The following THNSL1 variants were observed in gnomAD, a reference collection of about 807,000 sequenced individuals.
THNSL1 encodes the protein threonine synthase-like 1.
THNSL1 carries 48 observed loss-of-function variants against 50.4 expected under a neutral mutation model. That is an observed-to-expected ratio of 0.95 (90% CI 0.76 to 1.21). The LOEUF (loss-of-function observed/expected upper bound fraction) is 1.21. Among genes scored for constraint, THNSL1 ranks in the 50% most tolerant of loss-of-function variants. THNSL1 has a pLI of 0.00. For missense variants in THNSL1, 896 were observed against 871.7 expected (o/e 1.03, Z -0.35); for synonymous variants, 309 against 306.1 (o/e 1.01, Z -0.10).
chr10:25,002,262 A>G, the THNSL1 span, among the ~76,000 whole-genome samples: 201 of 152,292 alleles, frequency 1.3e-3, no homozygotes, highest in African/African-American at 4.2e-3. Context: ...TGGTTGTTTC[A>G]TTACATACAT....
In THNSL1 at chr10:25,024,774, A is replaced by C. The variant is rs775833140; in HGVS notation, c.1551A>C (p.Ala517=). 1 of 1,614,204 alleles carries C rather than the reference A, an allele frequency of 6.2e-7. No individual in the cohort carries two copies. ...GAAACTTTGGTAACATTTTAGCAGC[A>C]GTGTATGCCAAAATGATGGGAATCC... ...PTGNFGNILA[A]VYAKMMGIPI... Residue 517 remains alanine, a synonymous_variant, in exon 3 of 3, where the codon GCA becomes GCC. Coordinates refer to ENST00000376356, the MANE Select transcript of THNSL1 (RefSeq NM_024838.5).
the THNSL1 span, among the ~76,000 whole-genome samples, chr10:24,973,090 C>A: frequency 6.6e-6 from 1 of 152,154 alleles, no homozygotes; most frequent in Non-Finnish European, 1.5e-5. Flanking sequence ...TAGCATAGAT[C>A]TTAGCAACCT....
chr10:24,959,882 C>T, the THNSL1 span, among the ~76,000 whole-genome samples: 36 of 152,190 alleles, frequency 2.4e-4, no homozygotes, highest in African/African-American at 7.5e-4. Flanking sequence ...ATTTTCTCTT[C>T]GTAAAAATAT....
the THNSL1 span, among the ~76,000 whole-genome samples, chr10:24,996,044 A>G: frequency 1.3e-5 from 2 of 152,206 alleles, no homozygotes; most frequent in Non-Finnish European, 2.9e-5. Context: ...GTAGACATTA[A>G]ATATGCACAG....
the THNSL1 span, among the ~76,000 whole-genome samples, chr10:24,973,126 T>C: frequency 6.6e-6 from 1 of 152,166 alleles, no homozygotes; most frequent in South Asian, 2.1e-4. Context: ...TTTTCTTTCC[T>C]TATTAAGTCC....
At chr10:24,971,298 T>TACACA in the THNSL1 span, among the ~76,000 whole-genome samples, 1 of 145,850 alleles carries the variant, frequency 6.9e-6, no homozygotes, top group African/African-American at 2.8e-5. Context: ...AGAGACAGGT[T>TACACA]GCCACTATGT....
chr10:24,999,567 T>C, the THNSL1 span: 2 of 1,580,122 alleles, frequency 1.3e-6, no homozygotes, highest in Non-Finnish European at 1.7e-6. Context: ...ATTTTAAAAG[T>C]TGTAGCATTT....
At chr10:24,963,559 G>T in the THNSL1 span, among the ~76,000 whole-genome samples, 2 of 152,136 alleles carry the variant, frequency 1.3e-5, no homozygotes, top group Non-Finnish European at 1.5e-5. Flanking sequence ...AACCTGGAAC[G>T]TACAGTTCTG....
chr10:25,010,593 CCT>C, the THNSL1 span, among the ~76,000 whole-genome samples: 1 of 151,268 alleles, frequency 6.6e-6, no homozygotes, highest in Non-Finnish European at 1.5e-5. Context: ...ATCCCTCCCC[CCT>C]ACCCCCACCC....
upstream of THNSL1, chr10:25,016,192 G>A (rs1850567760): frequency 1.7e-6 from 2 of 1,174,402 alleles, no homozygotes; most frequent in Non-Finnish European, 2.1e-6. Context: ...TAGGCAACGA[G>A]GAAGTGGCAG....
the THNSL1 span, among the ~76,000 whole-genome samples, chr10:24,991,598 C>T: frequency 6.6e-6 from 1 of 152,108 alleles, no homozygotes; most frequent in Non-Finnish European, 1.5e-5. Flanking sequence ...GAGGAGAGCC[C>T]GGGCCACAGA....
chr10:25,023,822 G>A lies in THNSL1; in HGVS notation c.599G>A (p.Arg200His), dbSNP rs750913667. The change falls in exon 3 of 3, where the codon CGT (arginine) becomes CAT (histidine). Residue 200 changes from arginine to histidine, a missense_variant. Coordinates refer to ENST00000376356, the MANE Select transcript of THNSL1 (RefSeq NM_024838.5). ...RQYYKKWYDA[R>H]VFCESGASPE... ...TATTATAAGAAGTGGTATGATGCTC[G>A]TGTTTTCTGTGAAAGTGGGGCTTCC... 10 of 1,614,204 alleles carry A rather than the reference G, an allele frequency of 6.2e-6. No individual in the cohort carries two copies. Among genetic ancestry groups the A allele is most frequent in the Non-Finnish European group, 8.5e-6 (10 of 1,180,034 alleles).
chr10:25,016,928 G>A (rs1322479067), intron 1 of THNSL1: 1 of 152,434 alleles, frequency 6.6e-6, no homozygotes, highest in African/African-American at 2.4e-5. Flanking sequence ...GCTGCTTCTG[G>A]TCGAGGCTCC....
chr10:24,965,580 T>A, the THNSL1 span, among the ~76,000 whole-genome samples: 12 of 152,252 alleles, frequency 7.9e-5, no homozygotes, highest in Admixed American at 6.5e-4. Flanking sequence ...AAGTTCTCTG[T>A]GAAATATAAT....
At chr10:25,005,238 A>C in the THNSL1 span, among the ~76,000 whole-genome samples, 1 of 152,180 alleles carries the variant, frequency 6.6e-6, no homozygotes, top group Non-Finnish European at 1.5e-5. Context: ...GAATTATGAG[A>C]TATGGGCTAA....
chr10:25,020,901 T>C (rs1850706361), intron 1 of THNSL1, among the ~76,000 whole-genome samples: 1 of 152,154 alleles, frequency 6.6e-6, no homozygotes, highest in Non-Finnish European at 1.5e-5. Flanking sequence ...ATCAGACTGT[T>C]TTATGTAAGT....
At chr10:24,981,446 A>G in the THNSL1 span, among the ~76,000 whole-genome samples, 1 of 152,222 alleles carries the variant, frequency 6.6e-6, no homozygotes, top group African/African-American at 2.4e-5. Flanking sequence ...TTTGTGGGCC[A>G]CTGAAGAGAT....
At position 25,024,220 on chromosome 10, in the gene THNSL1, C is replaced by T. The variant is rs762457748; in HGVS notation, c.997C>T (p.Leu333Phe). ...ACSKIAPVRH[L>F]SGNQFILELF... ...CTCAAAAATTGCTCCTGTCAGGCAC[C>T]TTTCAGGCAACCAGTTCATCCTGGA... The change falls in exon 3 of 3, where the codon CTT becomes TTT. Residue 333 changes from leucine (L) to phenylalanine (F), a missense_variant. By Grantham distance (22) the Leu-to-Phe change is conservative. Transcript: ENST00000376356. 9 of 1,614,094 alleles carry T rather than the reference C, an allele frequency of 5.6e-6. No individual in the cohort carries two copies. The highest frequency in any genetic ancestry group is 7.6e-6 in the Non-Finnish European group (9 of 1,180,040).
the THNSL1 span, among the ~76,000 whole-genome samples, chr10:24,988,254 GTA>G: frequency 2.9e-5 from 4 of 137,286 alleles, no homozygotes; most frequent in African/African-American, 5.9e-5. Context: ...ATATATATGT[GTA>G]TATATATATT....
Sources: allele counts gnomAD v4.1 joint callset (sites outside exome capture counted in the v4.1 genomes callset), GRCh38; gene constraint gnomAD v4.1.1; transcripts MANE v1.5; gene names NCBI Gene and HGNC (gene_info 2026-07-23, HGNC 2026-07-21).